SPTBN4: variants seen among roughly 807,000 people sequenced by gnomAD.
SPTBN4 encodes the protein spectrin beta chain, non-erythrocytic 4.
Under a neutral mutation model 277.8 loss-of-function variants are expected in SPTBN4, and 96 were observed. The observed-to-expected ratio is 0.35, with a 90% CI of 0.29 to 0.41. The LOEUF is 0.41. Among genes scored for constraint, SPTBN4 ranks in the 10% least tolerant of loss-of-function variants. The probability of loss-of-function intolerance (pLI) is 1.00; values close to 1 mark genes in which losing one functional copy is unlikely to be tolerated. For synonymous variants in SPTBN4, 1,481 were observed against 1,580.3 expected, an observed-to-expected ratio of 0.94 and a Z score of 1.49; for missense variants, 3,006 against 3,595.7, an observed-to-expected ratio of 0.84 and a Z score of 4.19.
At chr19:40,540,814 C>CAAAAAAAAA (rs58695945) in intron 20 of SPTBN4, among the ~76,000 whole-genome samples, 3 of 79,322 alleles carry the variant, frequency 3.8e-5, no homozygotes, top group African/African-American at 1.4e-4. Context: ...ACCCCCATCT[C>CAAAAAAAAA]AAAAAAAAAA....
chr19:40,503,498 G>A (rs955804297), intron 11 of SPTBN4, among the ~76,000 whole-genome samples: 24 of 151,510 alleles, frequency 1.6e-4, no homozygotes, highest in African/African-American at 4.9e-4. Flanking sequence ...GGGGAAGATT[G>A]GGCTGGTCTC....
intron 18 of SPTBN4, 90 bp from the exon 19 acceptor site, chr19:40,532,535 C>G: frequency 2.0e-6 from 3 of 1,508,650 alleles, no homozygotes; most frequent in Non-Finnish European, 2.7e-6. Flanking sequence ...CCCTAGCAGC[C>G]CAGGCCCTGA....
chr19:40,524,509 C>T (rs1009932521), intron 17 of SPTBN4: 5 of 447,972 alleles, frequency 1.1e-5, no homozygotes, highest in African/African-American at 1.0e-4. Flanking sequence ...TCTGTCCCCC[C>T]TCCAAAAAAA....
chr19:40,497,448 G>T, intron 6 of SPTBN4, 41 bp from the exon 7 acceptor site: 1 of 1,514,028 alleles, frequency 6.6e-7, no homozygotes, highest in Non-Finnish European at 9.2e-7. Flanking sequence ...CGCCGGCTCT[G>T]GAGCCTGCCT....
chr19:40,544,833 T>C (rs1373102419), intron 20 of SPTBN4, among the ~76,000 whole-genome samples: 2 of 151,930 alleles, frequency 1.3e-5, no homozygotes, highest in African/African-American at 4.8e-5. Flanking sequence ...TTTTATTTTT[T>C]ATTTTTTTTT....
intron 1 of SPTBN4, among the ~76,000 whole-genome samples, chr19:40,471,178 C>A (rs189481709): frequency 8.0e-4 from 121 of 152,188 alleles, no homozygotes; most frequent in Middle Eastern, 6.8e-3. Flanking sequence ...AACTCCTGAC[C>A]TCAGGTGATC....
Position 40,501,974 on chromosome 19 carries a change from T to C in SPTBN4, c.838T>C (p.Phe280Leu). Reference protein sequence around the residue: ...EKSIITYVVSFYHYFSKMKAL... With the variant: ...EKSIITYVVSLYHYFSKMKAL... ...GTCCATCATCACCTACGTGGTCTCT[T>C]TCTACCACTATTTCTCCAAGATGAA... is the stretch of plus-strand genomic sequence containing the variant. The change falls in exon 8 of 36, where the codon TTC becomes CTC. Residue 280 changes from phenylalanine to leucine, a missense_variant. By Grantham distance (22) the Phe-to-Leu change is conservative. Around this residue, in one of 5 missense-constraint regions of SPTBN4, gnomAD observed 1,759 missense variants for 2,061.5 expected, o/e 0.85. Coordinates refer to ENST00000598249, the MANE Select transcript of SPTBN4 (RefSeq NM_020971.3). The C allele has an allele frequency of 6.2e-7, 1 of 1,614,228 alleles. No individual in the cohort carries two copies. Among genetic ancestry groups the C allele is most frequent in the Non-Finnish European group, 8.5e-7 (1 of 1,180,032 alleles).
intron 13 of SPTBN4, among the ~76,000 whole-genome samples, chr19:40,509,131 A>G (rs1599746414): frequency 7.3e-6 from 1 of 137,294 alleles, no homozygotes. Flanking sequence ...TATGTTACCC[A>G]GGCTGGTCTT....
chr19:40,556,200 G>T lies in SPTBN4; in HGVS notation c.5201G>T (p.Arg1734Leu). The T allele has an allele frequency of 1.2e-6, 2 of 1,613,678 alleles. No homozygotes were observed. Among genetic ancestry groups the T allele is most frequent in the Non-Finnish European group, 1.7e-6 (2 of 1,179,978 alleles). The change falls in exon 25 of 36, where the codon CGC (arginine) becomes CTC (leucine). Residue 1734 changes from arginine (R) to leucine (L), a missense_variant. Physicochemically the swap from Arg to Leu is moderately radical, Grantham distance 102 (BLOSUM62 -2). This residue lies in a region of SPTBN4 where 425 missense variants were observed against 594.7 expected (regional missense o/e 0.71). Coordinates refer to ENST00000598249, the MANE Select transcript of SPTBN4 (RefSeq NM_020971.3). Reference protein sequence around the residue: ...EQQYWLYQLSRQVSELEHWIA... With the variant: ...EQQYWLYQLSLQVSELEHWIA... The stretch of plus-strand genomic sequence containing the variant: ...CAGTACTGGCTGTACCAGCTCAGCC[G>T]CCAGGTGAGCGAGCTTGAGCACTGG...
chr19:40,523,506 C>G lies in SPTBN4; in HGVS notation c.3724C>G (p.Arg1242Gly), dbSNP rs765339923. 3 of 1,613,998 alleles carry G rather than the reference C, an allele frequency of 1.9e-6. No homozygotes were observed. The highest frequency in any genetic ancestry group is 1.7e-5 in the Admixed American group (1 of 59,996). The change falls in exon 17 of 36, where the codon CGT (arginine) becomes GGT (glycine). Residue 1242 changes from arginine to glycine, a missense_variant. Arg to Gly is a moderately radical substitution (Grantham distance 125). This residue lies in a region of SPTBN4 where 1,759 missense variants were observed against 2,061.5 expected (regional missense o/e 0.85). Transcript: ENST00000598249. ...GGTGGAGGAGGCCTTGAAACAGCAC[C>G]GTGACTTTCTCACCACCATGGAGCT... ...ESVEEALKQH[R>G]DFLTTMELSQ...
rs760799025 is a variant in SPTBN4, at chr19:40,534,242, G to A, written c.4258G>A (p.Ala1420Thr). ...AGCAGACCAGCTGGTGCAGAGCTTT[G>A]CTGAGCTGGACAAGAAGCTCCTTCA... is the stretch of plus-strand genomic sequence containing the variant. ...SKADQLVQSF[A>T]ELDKKLLHME... The change falls in exon 20 of 36, where the codon GCT becomes ACT. Residue 1420 changes from alanine (A) to threonine (T), a missense_variant. Coordinates refer to ENST00000598249, the MANE Select transcript of SPTBN4 (RefSeq NM_020971.3). 2.4e-5 allele frequency: 39 copies of A among 1,614,042 alleles called. No homozygotes were observed. In the Admixed American group the frequency reaches 6.3e-4, roughly 26 times the overall value.
intron 4 of SPTBN4, among the ~76,000 whole-genome samples, chr19:40,491,533 G>A (rs34323051): frequency 0.24 from 35,820 of 151,546 alleles, 5,234 homozygotes; most frequent in African/African-American, 0.41. Flanking sequence ...CCTGAGTTTA[G>A]GAGTTCGAGC....
chr19:40,541,320 A>C (rs926730763), intron 20 of SPTBN4, among the ~76,000 whole-genome samples: 21 of 152,310 alleles, frequency 1.4e-4, no homozygotes, highest in Admixed American at 1.3e-3. Context: ...CCCTGGGGTC[A>C]CACAGTGATG....
At chr19:40,550,197 G>A (rs746984360) in intron 21 of SPTBN4, 41 bp from the exon 22 acceptor site, 5 of 1,566,066 alleles carry the variant, frequency 3.2e-6, no homozygotes, top group South Asian at 1.1e-5. Context: ...GGGGTTCTTG[G>A]ATGCATTCTC....
intron 17 of SPTBN4, among the ~76,000 whole-genome samples, 182 bp from the exon 18 acceptor site, chr19:40,528,859 T>C (rs1450741246): frequency 6.6e-6 from 1 of 152,020 alleles, no homozygotes; most frequent in Non-Finnish European, 1.5e-5. Context: ...TCTGTCTCTC[T>C]CTCTGCCCTT....
At chr19:40,558,227 G>C (rs554967494) in intron 26 of SPTBN4, among the ~76,000 whole-genome samples, 1 of 151,674 alleles carries the variant, frequency 6.6e-6, no homozygotes, top group African/African-American at 2.4e-5. Context: ...AATGGTGGCG[G>C]GCACCTGTAA....
chr19:40,540,973 C>T (rs1430788337), intron 20 of SPTBN4, among the ~76,000 whole-genome samples: 1 of 152,134 alleles, frequency 6.6e-6, no homozygotes, highest in Non-Finnish European at 1.5e-5. Flanking sequence ...CCCAGCAGTA[C>T]ACATGAGCTC....
intron 4 of SPTBN4, among the ~76,000 whole-genome samples, chr19:40,491,451 G>A (rs2080134538): frequency 6.6e-6 from 1 of 151,930 alleles, no homozygotes. Context: ...TAGAAAGATA[G>A]ATCCCTTTGG....
At chr19:40,527,564 G>A (rs2080607541) in intron 17 of SPTBN4, among the ~76,000 whole-genome samples, 1 of 152,220 alleles carries the variant, frequency 6.6e-6, no homozygotes, top group Non-Finnish European at 1.5e-5. Context: ...GGTCAGGAGG[G>A]ACCTCACGAA....
Sources: allele counts gnomAD v4.1 joint callset (sites outside exome capture counted in the v4.1 genomes callset), GRCh38; gene constraint gnomAD v4.1.1; regional missense constraint gnomAD v4.1.1; transcripts MANE v1.5; gene names NCBI Gene and HGNC (gene_info 2026-07-23, HGNC 2026-07-21).